Variants in SMG1 observed in about 807,000 individuals in gnomAD.
SMG1 encodes serine/threonine-protein kinase SMG1.
SMG1 carries 22 observed loss-of-function variants against 419.9 expected under a neutral mutation model. That is an observed-to-expected ratio of 0.05 (90% CI 0.04 to 0.07). The LOEUF (loss-of-function observed/expected upper bound fraction) is 0.07. Among genes scored for constraint, SMG1 ranks in the 10% least tolerant of loss-of-function variants. The pLI, the probability that SMG1 is intolerant of heterozygous loss-of-function variation, is 1.00. For synonymous variants in SMG1, 1,538 were observed against 1,553.5 expected, an observed-to-expected ratio of 0.99 and a Z score of 0.23; for missense variants, 3,185 against 4,342.0, an observed-to-expected ratio of 0.73 and a Z score of 7.49.
rs182310921 is a variant in SMG1 at position 18,851,869 on chromosome 16, A to G, written c.5052+198T>C. 1.8e-3 allele frequency among the ~76,000 whole-genome samples: 270 copies of G among 152,252 alleles called. 1 individual carries two copies. Among genetic ancestry groups the G allele is most frequent in the Non-Finnish European group, 3.4e-3 (232 of 68,026 alleles). ...ACTCACCTATTTTTAACAGGACTCT[A>G]AGGAAATGCCTTATTTTCTCAAAAG... On this transcript the variant is annotated intron_variant, in intron 33 of 62. Transcript: ENST00000446231.
chr16:18,884,558 T>C (rs1275739362), intron 8 of SMG1, among the ~76,000 whole-genome samples: 1 of 152,184 alleles, frequency 6.6e-6, no homozygotes, highest in Non-Finnish European at 1.5e-5. Context: ...AACAGGCCAC[T>C]ATCACCTGAA....
At chr16:18,867,271 T>C (rs2141554834) in intron 22 of SMG1, among the ~76,000 whole-genome samples, 1 of 152,256 alleles carries the variant, frequency 6.6e-6, no homozygotes, top group African/African-American at 2.4e-5. Context: ...CAGTAGCTCA[T>C]GCCTGTAATC....
chr16:18,924,459 T>G (rs1473439231), intron 1 of SMG1, among the ~76,000 whole-genome samples: 1 of 152,164 alleles, frequency 6.6e-6, no homozygotes, highest in Admixed American at 6.6e-5. Flanking sequence ...ATCACAATAC[T>G]GAAAAATAAT....
intron 3 of SMG1, among the ~76,000 whole-genome samples, chr16:18,894,895 G>T (rs370914351): frequency 2.0e-5 from 3 of 152,128 alleles, no homozygotes; most frequent in East Asian, 3.9e-4. Context: ...TAAGCTCACT[G>T]CAAGCTCCAC....
intron 18 of SMG1, 69 bp from the exon 19 acceptor site, chr16:18,870,063 GATTA>G (rs2035733691): frequency 1.0e-6 from 1 of 975,072 alleles, no homozygotes; most frequent in Non-Finnish European, 1.5e-6. Flanking sequence ...ACTGTAAGTG[GATTA>G]TTTACTTATT....
chr16:18,867,539 A>G (rs2035581314), intron 22 of SMG1, among the ~76,000 whole-genome samples: 1 of 125,064 alleles, frequency 8.0e-6, no homozygotes, highest in Non-Finnish European at 1.7e-5. Context: ...ATAAATAAAT[A>G]AATAAATAAA....
At chr16:18,840,004 A>C in intron 41 of SMG1, 58 bp from the exon 42 acceptor site, 1 of 1,374,674 alleles carries the variant, frequency 7.3e-7, no homozygotes, top group Non-Finnish European at 9.9e-7. Context: ...AAGGAAAAAG[A>C]GTGCCTTTTG....
At chr16:18,890,990 T>A (rs2036851964) in intron 4 of SMG1, 69 bp from the exon 5 acceptor site, 8 of 811,342 alleles carry the variant, frequency 9.9e-6, no homozygotes, top group Non-Finnish European at 1.5e-5. Context: ...TGTGTACTTT[T>A]TTACTTGTCT....
chr16:18,811,248 AG>A (rs924069297), intron 62 of SMG1, among the ~76,000 whole-genome samples: 2 of 152,162 alleles, frequency 1.3e-5, no homozygotes, highest in Non-Finnish European at 2.9e-5. Flanking sequence ...CATAGCCTGA[AG>A]GTAATTTTAT....
At chr16:18,874,183 G>C (rs1441299472) in intron 13 of SMG1, among the ~76,000 whole-genome samples, 4 of 151,990 alleles carry the variant, frequency 2.6e-5, no homozygotes, top group Non-Finnish European at 5.9e-5. Context: ...CTGTCGCCCA[G>C]ACTGGAGTGC....
At chr16:18,827,953 C>G in intron 55 of SMG1, 78 bp downstream of exon 55, 4 of 1,473,354 alleles carry the variant, frequency 2.7e-6, no homozygotes, top group Non-Finnish European at 3.7e-6. Flanking sequence ...ACACACTGAA[C>G]AACAGAGCAC....
At chr16:18,875,499 G>A (rs1469490795) in intron 13 of SMG1, 2 of 152,850 alleles carry the variant, frequency 1.3e-5, no homozygotes, top group East Asian at 1.9e-4. Context: ...GCTGAAACAG[G>A]AGAATCGCTT....
At position 18,872,486 on chromosome 16, in the gene SMG1, T is replaced by G. The variant is rs1173561792; in HGVS notation, c.2021+8A>C. ...GGGGTTCTTAAGAAAAATTTGTAAATACAGTACCTGGTACAATGAGAATAC... is the reference window on the plus strand; with the variant it reads ...GGGGTTCTTAAGAAAAATTTGTAAAGACAGTACCTGGTACAATGAGAATAC... On this transcript the variant is annotated splice_region_variant and intron_variant, in intron 14 of 62. Coordinates refer to ENST00000446231, the MANE Select transcript of SMG1 (RefSeq NM_015092.5). 6.5e-7 allele frequency: 1 copy of G among 1,540,046 alleles called. No homozygotes were observed. Among genetic ancestry groups the G allele is most frequent in the Non-Finnish European group, 8.7e-7 (1 of 1,155,964 alleles).
chr16:18,859,729 T>TC, intron 26 of SMG1, 26 bp from the exon 27 acceptor site: 1 of 1,568,894 alleles, frequency 6.4e-7, no homozygotes, highest in Non-Finnish European at 8.6e-7. Flanking sequence ...AAAACGTCAT[T>TC]AAGTTCATGT....
chr16:18,871,534 A>G lies in SMG1; in HGVS notation c.2184-52T>C, dbSNP rs1466537814. 3.4e-6 allele frequency: 3 copies of G among 874,500 alleles called. No homozygotes were observed. In the Admixed American group the frequency reaches 9.3e-5, roughly 27 times the overall value. The allele number at this position is 874,500 out of a possible 1,614,324, so 54.2% of individuals were successfully genotyped here. A position where few individuals can be genotyped will look rare whatever the true frequency, so the allele number is the denominator to read the frequency against. On this transcript the variant is annotated intron_variant, in intron 15 of 62. Transcript: ENST00000446231. ...GTACATTAAAAAAAACAAAAACCAA[A>G]AAACATTAAAAGCCTAGTCTTCTTA...
chr16:18,895,749 C>A (rs1331274673), intron 3 of SMG1, among the ~76,000 whole-genome samples: 1 of 151,752 alleles, frequency 6.6e-6, no homozygotes, highest in Non-Finnish European at 1.5e-5. Flanking sequence ...CCTCCACAGG[C>A]CCAAGAGTTC....
rs1011865569 is a variant in SMG1 at position 18,847,619 on chromosome 16, G to A, written c.5842-12C>T. On this transcript the variant is annotated splice_polypyrimidine_tract_variant and intron_variant, in intron 37 of 62. Coordinates refer to ENST00000446231, the MANE Select transcript of SMG1 (RefSeq NM_015092.5). ...ACGAGCATCTGAACCTGCATACACA[G>A]CACACCCAAATAGCTCATCTACAAG... The A allele has an allele frequency of 1.2e-6, 2 of 1,613,736 alleles. No individual in the cohort carries two copies. Among genetic ancestry groups the A allele is most frequent in the Non-Finnish European group, 1.7e-6 (2 of 1,179,878 alleles).
rs1321950620 is a variant in SMG1 at position 18,894,988 on chromosome 16, T to G, written c.412+1064A>C. Among the ~76,000 whole-genome samples the G allele has an allele frequency of 1.3e-5, 2 of 151,962 alleles. 1 individual carries two copies. The highest frequency in any genetic ancestry group is 3.9e-4 in the East Asian group (2 of 5,146). On this transcript the variant is annotated intron_variant, in intron 3 of 62. Transcript: ENST00000446231. ...GCCCACCACCGCACCCGGCTAATTTTTTGTATTTTCAGTAGAGACAGGGTT... is the reference window on the plus strand; with the variant it reads ...GCCCACCACCGCACCCGGCTAATTTGTTGTATTTTCAGTAGAGACAGGGTT...
chr16:18,841,173 G>T (rs954769321), intron 41 of SMG1, among the ~76,000 whole-genome samples: 7 of 152,148 alleles, frequency 4.6e-5, no homozygotes, highest in Non-Finnish European at 1.0e-4. Flanking sequence ...GCTGAGGCGG[G>T]TGGATCACCT....
Sources: gnomAD v4.1 joint callset for allele counts (sites outside exome capture counted in the v4.1 genomes callset) on GRCh38, gnomAD v4.1.1 for gene constraint, MANE v1.5 for transcripts, NCBI Gene and HGNC (gene_info 2026-07-23, HGNC 2026-07-21) for gene names.